ZNF827: variants seen among roughly 807,000 people sequenced by gnomAD.
The protein encoded by ZNF827 is zinc finger protein 827.
In ZNF827, 13 loss-of-function variants were observed where a neutral mutation model predicts 102.4. The observed-to-expected ratio is 0.13, with a 90% CI of 0.08 to 0.20. The LOEUF is 0.20. Ranked by LOEUF, ZNF827 falls within the 10% of genes least tolerant of loss-of-function variation. ZNF827 has a pLI of 1.00. For missense variants in ZNF827, 1,103 were observed against 1,344.4 expected, an observed-to-expected ratio of 0.82 and a Z score of 2.81; for synonymous variants, 523 against 536.2, an observed-to-expected ratio of 0.98 and a Z score of 0.34.
At chr4:145,845,639 G>C (rs1745859091) in intron 7 of ZNF827, among the ~76,000 whole-genome samples, 1 of 152,094 alleles carries the variant, frequency 6.6e-6, no homozygotes, top group African/African-American at 2.4e-5. Context: ...TCAACTCTCA[G>C]GCCAGGAGAC....
chr4:145,932,905 T>A (rs933017680), intron 1 of ZNF827, among the ~76,000 whole-genome samples: 9 of 152,204 alleles, frequency 5.9e-5, no homozygotes, highest in Non-Finnish European at 1.3e-4. Flanking sequence ...ATTTTCTACA[T>A]TTCCCTTCGA....
Position 145,936,464 on chromosome 4 carries a change from G to A in ZNF827, c.43+1901C>T, listed in dbSNP as rs551076571. Among the ~76,000 whole-genome samples the A allele has an allele frequency of 3.3e-5, 5 of 152,198 alleles. No homozygotes were observed. In the East Asian group the frequency reaches 9.7e-4, roughly 29 times the overall value. ...GGGGCATTTTTTTTTTTTAAAGGAA[G>A]GGGAAAAAAGCACAACCCAAGCCCT... On this transcript the variant is annotated intron_variant, in intron 1 of 14. Transcript: ENST00000508784.
chr4:145,852,939 T>C (rs1746683141), intron 5 of ZNF827, among the ~76,000 whole-genome samples: 1 of 152,164 alleles, frequency 6.6e-6, no homozygotes, highest in Non-Finnish European at 1.5e-5. Flanking sequence ...GGCTCCATCC[T>C]CTAGTTTTAA....
intron 9 of ZNF827, among the ~76,000 whole-genome samples, chr4:145,778,212 C>T (rs1318527387): frequency 1.3e-5 from 2 of 152,140 alleles, no homozygotes; most frequent in Admixed American, 1.3e-4. Context: ...TGGCTCACTG[C>T]AACTTCCACC....
At chr4:145,906,947 C>A (rs1044745806) in intron 1 of ZNF827, 2 of 417,748 alleles carry the variant, frequency 4.8e-6, no homozygotes. Flanking sequence ...GATGCTGCTA[C>A]TGAAATTGAG....
intron 7 of ZNF827, among the ~76,000 whole-genome samples, chr4:145,842,653 C>T (rs1413091461): frequency 1.3e-5 from 2 of 152,152 alleles, no homozygotes; most frequent in African/African-American, 2.4e-5. Context: ...TATCCAGATC[C>T]TAGGATCAGG....
chr4:145,791,020 G>C (rs1392081619), intron 8 of ZNF827, among the ~76,000 whole-genome samples: 1 of 152,170 alleles, frequency 6.6e-6, no homozygotes, highest in African/African-American at 2.4e-5. Context: ...GTTTCTGTTT[G>C]TTGGTTTATG....
intron 7 of ZNF827, among the ~76,000 whole-genome samples, chr4:145,844,383 T>C (rs184910006): frequency 2.0e-5 from 3 of 151,704 alleles, no homozygotes; most frequent in East Asian, 1.9e-4. Flanking sequence ...CCTAAAACTA[T>C]ATAAACCCAG....
chr4:145,938,381 G>C lies in ZNF827; in HGVS notation c.27C>G (p.Pro9=). 3 of 1,613,414 alleles carry C rather than the reference G, an allele frequency of 1.9e-6. No homozygotes were observed. Among genetic ancestry groups the C allele is most frequent in the Non-Finnish European group, 2.5e-6 (3 of 1,179,956 alleles). The change falls in exon 1 of 15, where the codon CCC becomes CCG. Residue 9 remains proline, a synonymous_variant. Coordinates refer to ENST00000508784, the MANE Select transcript of ZNF827 (RefSeq NM_001306215.2). The part of the protein sequence containing the change: MPRRKQEQ[P]KRLPSHVSRQ... ...ATGACTTACGTGAGGGAAGGCGCTTGGGCTGCTCCTGCTTCCTCCTGGGCA... is the reference window on the plus strand; with the variant it reads ...ATGACTTACGTGAGGGAAGGCGCTTCGGCTGCTCCTGCTTCCTCCTGGGCA...
chr4:145,857,938 T>A (rs1747312880), intron 5 of ZNF827, among the ~76,000 whole-genome samples: 1 of 152,174 alleles, frequency 6.6e-6, no homozygotes, highest in Admixed American at 6.5e-5. Context: ...ACTTTTCCTG[T>A]CTCATATTAA....
At chr4:145,822,410 T>A (rs968835091) in intron 8 of ZNF827, among the ~76,000 whole-genome samples, 1 of 152,028 alleles carries the variant, frequency 6.6e-6, no homozygotes. Flanking sequence ...ATTTCAGATG[T>A]CACTGCATTC....
chr4:145,927,604 T>G (rs1334395740), intron 1 of ZNF827, among the ~76,000 whole-genome samples: 1 of 152,178 alleles, frequency 6.6e-6, no homozygotes, highest in Non-Finnish European at 1.5e-5. Context: ...GTGGAGAGGC[T>G]CTAAGCAATT....
rs181988250 is a variant in ZNF827, at chr4:145,766,426, A to C, written c.2861-688T>G. Among the ~76,000 whole-genome samples the C allele has an allele frequency of 1.3e-3, 196 of 152,370 alleles. 2 individuals are homozygous for C. The highest frequency in any genetic ancestry group is 4.3e-3 in the African/African-American group (177 of 41,596). ...CACTGGATGTTAGGCAATGAAGAAA[A>C]GTGGCCCCTGAGAGACAGGAAACAA... On this transcript the variant is annotated intron_variant, in intron 11 of 14. Coordinates refer to ENST00000508784, the MANE Select transcript of ZNF827 (RefSeq NM_001306215.2).
intron 1 of ZNF827, among the ~76,000 whole-genome samples, chr4:145,928,919 G>C (rs957244433): frequency 6.6e-6 from 1 of 152,206 alleles, no homozygotes; most frequent in African/African-American, 2.4e-5. Context: ...ACATGCCTGG[G>C]GAATGGAGAC....
At chr4:145,864,054 C>T (rs930029860) in intron 5 of ZNF827, among the ~76,000 whole-genome samples, 10 of 151,694 alleles carry the variant, frequency 6.6e-5, no homozygotes, top group African/African-American at 2.4e-4. Context: ...ATCAGCCGGG[C>T]GCAGTGGCAG....
chr4:145,846,838 C>CACA (rs1272025676), intron 6 of ZNF827, among the ~76,000 whole-genome samples: 4 of 145,692 alleles, frequency 2.7e-5, no homozygotes, highest in South Asian at 2.2e-4. Flanking sequence ...CAAACAAAAA[C>CACA]ACAACAACAA....
At position 145,761,090 on chromosome 4, in the gene ZNF827, G is replaced by A. The variant is rs1343037790; in HGVS notation, c.*526C>T. 4 of 1,289,582 alleles carry A rather than the reference G, an allele frequency of 3.1e-6. No individual in the cohort carries two copies. Among genetic ancestry groups the A allele is most frequent in the Middle Eastern group, 2.1e-4 (1 of 4,692 alleles). 79.9% of individuals were successfully genotyped at this position (1,289,582 alleles called of 1,614,324 possible). A position where few individuals can be genotyped will look rare whatever the true frequency, so the allele number is the denominator to read the frequency against. On this transcript the variant is annotated 3_prime_UTR_variant, in exon 15 of 15. Coordinates refer to ENST00000508784, the MANE Select transcript of ZNF827 (RefSeq NM_001306215.2). This position sits in a 1 kb window ranked among gnomAD's most constrained non-coding sequence, Gnocchi z 6.8. Reference sequence around the variant, plus strand: ...GCAGACATAACTGACAGGGGAGACAGGAGATTCCGGGAGCTCCCGACCACC... The same window carrying A: ...GCAGACATAACTGACAGGGGAGACAAGAGATTCCGGGAGCTCCCGACCACC...
chr4:145,844,881 G>A (rs1031528060), intron 7 of ZNF827, among the ~76,000 whole-genome samples: 4 of 151,960 alleles, frequency 2.6e-5, no homozygotes, highest in Admixed American at 6.6e-5. Context: ...CTCTGAGGTC[G>A]ATTAATAAGA....
chr4:145,922,838 A>C (rs2135962), intron 1 of ZNF827, among the ~76,000 whole-genome samples: 81,203 of 152,022 alleles, frequency 0.53, 23,764 homozygotes, highest in African/African-American at 0.77. Flanking sequence ...TCAAGGAAAA[A>C]CTGACAGTGT....
Sources: allele counts gnomAD v4.1 joint callset (sites outside exome capture counted in the v4.1 genomes callset), GRCh38; gene constraint gnomAD v4.1.1; non-coding constraint Gnocchi (gnomAD v3.1); transcripts MANE v1.5; gene names NCBI Gene and HGNC (gene_info 2026-07-23, HGNC 2026-07-21).